WTAP: variants seen among roughly 807,000 people sequenced by gnomAD.
WTAP encodes WT1 associated protein.
In WTAP, 8 loss-of-function variants were observed where a neutral mutation model predicts 50.0. The ratio of observed to expected loss-of-function variants is 0.16; its 90% confidence interval spans 0.09 to 0.29. WTAP has a LOEUF of 0.29. Ranked by LOEUF, WTAP falls within the 10% of genes least tolerant of loss-of-function variation. The pLI is 1.00. For synonymous variants in WTAP, 194 were observed against 169.0 expected (o/e 1.15, Z -1.15); for missense variants, 295 against 470.7 (o/e 0.63, Z 3.45).
intron 4 of WTAP, among the ~76,000 whole-genome samples, chr6:159,742,831 A>C (rs1023902939): frequency 3.3e-5 from 5 of 151,998 alleles, no homozygotes; most frequent in African/African-American, 1.2e-4. Context: ...CAAGGTGGGA[A>C]GATCACTTGA....
In WTAP at chr6:159,753,491, C is replaced by A; in HGVS notation, c.484C>A (p.Arg162=). Residue 162 remains arginine, a synonymous_variant, in exon 7 of 8, where the codon CGA becomes AGA. Coordinates refer to ENST00000621533, the MANE Select transcript of WTAP (RefSeq NM_001270531.2). ...QTGKKLMAKC[R]MLIQENQELG... ...AGGGAAAAAGTTAATGGCGAAGTGT[C>A]GAATGCTTATCCAGGAGAATCAAGA... 2.5e-6 allele frequency: 4 copies of A among 1,614,136 alleles called. No homozygotes were observed. The highest frequency in any genetic ancestry group is 3.4e-6 in the Non-Finnish European group (4 of 1,180,030).
At chr6:159,734,154 A>G (rs1303312415) in intron 1 of WTAP, among the ~76,000 whole-genome samples, 3 of 152,128 alleles carry the variant, frequency 2.0e-5, no homozygotes, top group African/African-American at 7.2e-5. Flanking sequence ...GGGAGAAATC[A>G]AGTAGTCTTG....
intron 6 of WTAP, among the ~76,000 whole-genome samples, chr6:159,751,504 A>T (rs1779819407): frequency 6.6e-6 from 1 of 152,178 alleles, no homozygotes; most frequent in Non-Finnish European, 1.5e-5. Context: ...TCATTTTCCC[A>T]TTGTTTAATT....
intron 2 of WTAP, among the ~76,000 whole-genome samples, chr6:159,737,451 T>G (rs1778990372): frequency 6.6e-6 from 1 of 152,180 alleles, no homozygotes; most frequent in Non-Finnish European, 1.5e-5. Flanking sequence ...GGAAAAAAAT[T>G]TAAGTGTCTT....
chr6:159,727,010 G>A (rs1349167253), upstream of WTAP: 1 of 1,248,864 alleles, frequency 8.0e-7, no homozygotes, highest in African/African-American at 1.6e-5. Context: ...CCCTCCGCAC[G>A]AGGCAGCCCC....
At chr6:159,754,628 T>A (rs1779936869) in intron 7 of WTAP, among the ~76,000 whole-genome samples, 1 of 152,202 alleles carries the variant, frequency 6.6e-6, no homozygotes, top group Non-Finnish European at 1.5e-5. Flanking sequence ...ATCTTCCCCT[T>A]TGAGCCATCT....
chr6:159,749,064 G>T lies in WTAP; in HGVS notation c.452+695G>T, dbSNP rs1463806247. The T allele has an allele frequency of 1.0e-5, 10 of 989,622 alleles. No homozygotes were observed. The South Asian group carries it at 4.2e-4, about 42-fold the overall frequency. 61.3% of individuals were successfully genotyped at this position (989,622 alleles called of 1,614,324 possible). On this transcript the variant is annotated intron_variant, in intron 6 of 7. Coordinates refer to ENST00000621533, the MANE Select transcript of WTAP (RefSeq NM_001270531.2). ...TTTAGTTTGGGGCTCTATATTACTTGCTTGAGCCTTAATCAATGTGGTTTT... is the reference window on the plus strand; with the variant it reads ...TTTAGTTTGGGGCTCTATATTACTTTCTTGAGCCTTAATCAATGTGGTTTT...
intron 1 of WTAP, among the ~76,000 whole-genome samples, chr6:159,728,150 G>A (rs1242697457): frequency 6.6e-6 from 1 of 152,230 alleles, no homozygotes; most frequent in Admixed American, 6.5e-5. Context: ...ATGTTACTAC[G>A]TTCTCTTGTA....
intron 2 of WTAP, among the ~76,000 whole-genome samples, chr6:159,738,687 A>G (rs1329898059): frequency 6.6e-6 from 1 of 152,194 alleles, no homozygotes; most frequent in East Asian, 1.9e-4. Flanking sequence ...AGGAAACTTC[A>G]GTTTCTCTGA....
chr6:159,731,304 G>GA (rs974765366), intron 1 of WTAP, among the ~76,000 whole-genome samples: 40 of 141,178 alleles, frequency 2.8e-4, no homozygotes, highest in Middle Eastern at 4.2e-3. Flanking sequence ...CTACTACCAA[G>GA]AAAAAAAAAA....
intron 1 of WTAP, chr6:159,730,797 A>C (rs1264240068): frequency 1.3e-5 from 2 of 152,162 alleles, no homozygotes; most frequent in Non-Finnish European, 2.9e-5. Flanking sequence ...CAAAATCTGT[A>C]TTTACTCCTG....
At chr6:159,732,680 C>T (rs996778338) in intron 1 of WTAP, among the ~76,000 whole-genome samples, 4 of 151,922 alleles carry the variant, frequency 2.6e-5, no homozygotes, top group East Asian at 1.9e-4. Context: ...AAAAATTAGC[C>T]GGGCGTGGTG....
upstream of WTAP, chr6:159,726,960 G>A (rs751767824): frequency 4.9e-4 from 624 of 1,285,654 alleles, 2 homozygotes; most frequent in Non-Finnish European, 6.0e-4. Flanking sequence ...TGAGCGTCAC[G>A]AACACAGAGC....
intron 1 of WTAP, among the ~76,000 whole-genome samples, chr6:159,730,292 T>C (rs1244076569): frequency 6.6e-6 from 1 of 152,254 alleles, no homozygotes; most frequent in East Asian, 1.9e-4. Flanking sequence ...TTATTTTCCT[T>C]CAGGATTCAA....
intron 7 of WTAP, among the ~76,000 whole-genome samples, 158 bp downstream of exon 7, chr6:159,753,772 A>G (rs552088758): frequency 6.6e-6 from 1 of 152,308 alleles, no homozygotes; most frequent in South Asian, 2.1e-4. Flanking sequence ...TGAGTCCGCA[A>G]ACAAAGCCAT....
Position 159,743,847 on chromosome 6 carries a change from A to G in WTAP, c.273+55A>G, listed in dbSNP as rs980464788. The G allele has an allele frequency of 2.4e-5, 36 of 1,499,324 alleles. 1 individual carries two copies. The South Asian group carries it at 4.9e-4, about 21-fold the overall frequency. 92.9% of individuals were successfully genotyped at this position (1,499,324 alleles called of 1,614,324 possible). A position where few individuals can be genotyped will look rare whatever the true frequency, so the allele number is the denominator to read the frequency against. On this transcript the variant is annotated intron_variant, in intron 5 of 7. Coordinates refer to ENST00000621533, the MANE Select transcript of WTAP (RefSeq NM_001270531.2). Reference sequence around the variant, plus strand: ...TAGTTGAGGAATTGGTTTTTAGTCCACATTATTACATGTTAATTTTAAACA... The same window carrying G: ...TAGTTGAGGAATTGGTTTTTAGTCCGCATTATTACATGTTAATTTTAAACA...
intron 4 of WTAP, among the ~76,000 whole-genome samples, chr6:159,743,459 T>C (rs1420960685): frequency 6.6e-6 from 1 of 152,220 alleles, no homozygotes; most frequent in African/African-American, 2.4e-5. Flanking sequence ...AAAAACATAA[T>C]TTAGTTAGTA....
At chr6:159,728,503 C>T (rs953603738) in intron 1 of WTAP, among the ~76,000 whole-genome samples, 1 of 152,180 alleles carries the variant, frequency 6.6e-6, no homozygotes, top group South Asian at 2.1e-4. Context: ...GTATTTGTGC[C>T]TATTTTATCT....
At chr6:159,746,334 G>A (rs1178949534) in intron 5 of WTAP, among the ~76,000 whole-genome samples, 1 of 152,004 alleles carries the variant, frequency 6.6e-6, no homozygotes, top group East Asian at 1.9e-4. Context: ...TGAGAAGGAG[G>A]GTTTCTTACC....
Sources: allele counts gnomAD v4.1 joint callset (sites outside exome capture counted in the v4.1 genomes callset), GRCh38; gene constraint gnomAD v4.1.1; transcripts MANE v1.5; gene names NCBI Gene and HGNC (gene_info 2026-07-23, HGNC 2026-07-21).